Variants in PRDM15 observed in about 807,000 individuals in gnomAD.
PRDM15 encodes the protein PR domain zinc finger protein 15.
A neutral mutation model predicts 128.6 loss-of-function variants in PRDM15; 64 were observed. That is an observed-to-expected ratio of 0.50 (90% CI 0.41 to 0.61). The LOEUF (loss-of-function observed/expected upper bound fraction) is 0.61, where lower values mean the gene tolerates loss of function less well. Ranked by LOEUF, PRDM15 falls within the 20% of genes least tolerant of loss-of-function variation. The probability of loss-of-function intolerance (pLI) is 0.00; values close to 1 mark genes in which losing one functional copy is unlikely to be tolerated. For synonymous variants in PRDM15, 615 were observed against 621.8 expected, an observed-to-expected ratio of 0.99 and a Z score of 0.16; for missense variants, 1,242 against 1,569.1, an observed-to-expected ratio of 0.79 and a Z score of 3.52.
intron 13 of PRDM15, among the ~76,000 whole-genome samples, chr21:41,824,544 C>G (rs1254511175): frequency 2.7e-5 from 2 of 73,488 alleles, no homozygotes; most frequent in Admixed American, 2.6e-4. Context: ...ATTGTTTGCA[C>G]AAACAATCTC....
At chr21:41,861,491 G>T in intron 1 of PRDM15, 1 of 1,319,254 alleles carries the variant, frequency 7.6e-7, no homozygotes, top group South Asian at 1.4e-5. Flanking sequence ...AGCATAAAGT[G>T]AGATACACAC....
chr21:41,821,810 G>C lies in PRDM15; in HGVS notation c.1896+93C>G. ...GGGGAGGGAGGGCTGCTTCCGAGAT[G>C]CATGAAGGTGCCTGCTGTGTGGGGC... On this transcript the variant is annotated intron_variant, in intron 15 of 23. Coordinates refer to ENST00000398548, the MANE Select transcript of PRDM15 (RefSeq NM_001040424.3). The surrounding 1 kb of genome is among the most constrained non-coding windows in gnomAD (Gnocchi z 5.4). The C allele has an allele frequency of 6.7e-7, 1 of 1,485,704 alleles. No homozygotes were observed. The highest frequency in any genetic ancestry group is 9.3e-7 in the Non-Finnish European group (1 of 1,078,796). The allele number at this position is 1,485,704 out of a possible 1,614,324, so 92.0% of individuals were successfully genotyped here.
intron 6 of PRDM15, among the ~76,000 whole-genome samples, chr21:41,845,724 C>G (rs767392652): frequency 6.6e-6 from 1 of 152,128 alleles, no homozygotes; most frequent in African/African-American, 2.4e-5. Context: ...CCGAGTACCA[C>G]GTCTTACGTA....
rs766408138 is a variant in PRDM15, at chr21:41,801,214, T to C, written c.*26A>G. 3.3e-6 allele frequency: 5 copies of C among 1,506,552 alleles called. No homozygotes were observed. The highest frequency in any genetic ancestry group is 3.5e-6 in the Non-Finnish European group (4 of 1,132,978). 93.3% of individuals were successfully genotyped at this position (1,506,552 alleles called of 1,614,324 possible). A position where few individuals can be genotyped will look rare whatever the true frequency, so the allele number is the denominator to read the frequency against. ...AATCCCAAACATCCCTCTGCAGTTC[T>C]TGCCCCGAGTCTCCCGGAACGCAGC... On this transcript the variant is annotated 3_prime_UTR_variant, in exon 24 of 24. Coordinates refer to ENST00000398548, the MANE Select transcript of PRDM15 (RefSeq NM_001040424.3).
At chr21:41,835,075 C>T (rs1414358974) in intron 11 of PRDM15, among the ~76,000 whole-genome samples, 1 of 152,150 alleles carries the variant, frequency 6.6e-6, no homozygotes, top group Non-Finnish European at 1.5e-5. Flanking sequence ...CACACTCCTC[C>T]AGCCATTATC....
chr21:41,834,473 G>A (rs747207916), intron 11 of PRDM15: 16 of 1,538,616 alleles, frequency 1.0e-5, no homozygotes, highest in Middle Eastern at 3.3e-4. Flanking sequence ...CAGAGCAGGC[G>A]GACAAGGACG....
chr21:41,858,109 A>G (rs2063694337), intron 3 of PRDM15, among the ~76,000 whole-genome samples: 1 of 152,234 alleles, frequency 6.6e-6, no homozygotes, highest in Non-Finnish European at 1.5e-5. Flanking sequence ...ACCCCGAGAA[A>G]GACGCAAGGG....
In PRDM15 at chr21:41,811,262, C is replaced by T. The variant is rs866455648; in HGVS notation, c.2393-426G>A. ...GGACCAATGGCAAGGAGGACACAGA[C>T]GAGCCAAGCGTAAAAGACAACAGAA... On this transcript the variant is annotated intron_variant, in intron 19 of 23. Coordinates refer to ENST00000398548, the MANE Select transcript of PRDM15 (RefSeq NM_001040424.3). This position sits in a 1 kb window ranked among gnomAD's most constrained non-coding sequence, Gnocchi z 4.1. 6 of 178,166 alleles carry T rather than the reference C, an allele frequency of 3.4e-5. No homozygotes were observed. The Middle Eastern group carries it at 8.5e-3, about 252-fold the overall frequency. The allele number at this position is 178,166 out of a possible 1,614,324, so 11.0% of individuals were successfully genotyped here.
chr21:41,857,499 T>G (rs1028657449), intron 3 of PRDM15, among the ~76,000 whole-genome samples, 170 bp from the exon 4 acceptor site: 2 of 152,214 alleles, frequency 1.3e-5, no homozygotes, highest in African/African-American at 4.8e-5. Flanking sequence ...CTCACGCCTG[T>G]AATCCCAGCA....
rs1455207183 is a variant in PRDM15, at chr21:41,828,843, A to T, written c.1367-510T>A. Among the ~76,000 whole-genome samples the T allele has an allele frequency of 6.6e-6, 1 of 151,946 alleles. No homozygotes were observed. Among genetic ancestry groups the T allele is most frequent in the African/African-American group, 2.4e-5 (1 of 41,322 alleles). On this transcript the variant is annotated intron_variant, in intron 11 of 23. Transcript: ENST00000398548. The surrounding 1 kb of genome is among the most constrained non-coding windows in gnomAD (Gnocchi z 5.7). ...ACTCCTTCCCCGTGGGCGGGCATCA[A>T]TGTGCCCATATTCCCCCCTTCACCC...
At chr21:41,818,644 T>C (rs924012871) in intron 18 of PRDM15, among the ~76,000 whole-genome samples, 6 of 152,128 alleles carry the variant, frequency 3.9e-5, no homozygotes, top group Non-Finnish European at 5.9e-5. Context: ...CGGGTGCTCA[T>C]AGGGGTCACC....
intron 1 of PRDM15, among the ~76,000 whole-genome samples, chr21:41,866,552 A>T (rs1480361004): frequency 6.6e-6 from 1 of 152,222 alleles, no homozygotes; most frequent in African/African-American, 2.4e-5. Flanking sequence ...TTCCTGGTTC[A>T]CGTACTTGAA....
rs144512432 is a variant in PRDM15 at position 41,854,794 on chromosome 21, C to A, written c.310G>T (p.Val104Leu). The change falls in exon 5 of 24, where the codon GTG becomes TTG. Residue 104 changes from valine to leucine, a missense_variant. Coordinates refer to ENST00000398548, the MANE Select transcript of PRDM15 (RefSeq NM_001040424.3). This position sits in a 1 kb window ranked among gnomAD's most constrained non-coding sequence, Gnocchi z 4.6. Reference sequence around the variant, plus strand: ...TCCTCGTTGGAGGTGTCGAAGCACACGGGGTGCCCGTCCTTCTGGAACACC... The same window carrying A: ...TCCTCGTTGGAGGTGTCGAAGCACAAGGGGTGCCCGTCCTTCTGGAACACC... ...LKVFQKDGHP[V>L]CFDTSNEDDC... 2 of 1,604,376 alleles carry A rather than the reference C, an allele frequency of 1.2e-6. No homozygotes were observed.
At chr21:41,816,627 C>T (rs1031644942) in intron 18 of PRDM15, among the ~76,000 whole-genome samples, 2 of 152,190 alleles carry the variant, frequency 1.3e-5, no homozygotes, top group Non-Finnish European at 2.9e-5. Context: ...GTCAACGGTT[C>T]CCCTGTGATT....
intron 22 of PRDM15, 49 bp from the exon 23 acceptor site, chr21:41,802,970 A>C (rs760608260): frequency 2.0e-6 from 3 of 1,512,782 alleles, no homozygotes; most frequent in Non-Finnish European, 9.2e-7. Flanking sequence ...CGGTCACGTC[A>C]GGCAGCGGCC....
At chr21:41,868,694 C>CTTTTTTTTTTTT (rs55653735) in intron 1 of PRDM15, among the ~76,000 whole-genome samples, 5 of 125,200 alleles carry the variant, frequency 4.0e-5, no homozygotes, top group African/African-American at 6.0e-5. Flanking sequence ...TTTTCTTTTT[C>CTTTTTTTTTTTT]TTTTTTTTTT....
chr21:41,804,606 C>T lies in PRDM15; in HGVS notation c.2661G>A (p.Ala887=), dbSNP rs61744413. 5.2e-3 allele frequency: 8,200 copies of T among 1,562,286 alleles called. 348 individuals are homozygous for T. In the African/African-American group the frequency reaches 0.093, roughly 18 times the overall value. Residue 887 remains alanine, a synonymous_variant, in exon 22 of 24, where the codon GCG becomes GCA. Transcript: ENST00000398548. ...HMRRKHPEVL[A]VRIDDLDHLP... ...GGTGGTCCAGGTCATCGATCCTCAC[C>T]GCGAGCACCTATGAGGAGCACAGGG...
intron 21 of PRDM15, among the ~76,000 whole-genome samples, chr21:41,807,067 A>G (rs930703326): frequency 2.6e-5 from 4 of 151,930 alleles, no homozygotes; most frequent in Admixed American, 1.3e-4. Flanking sequence ...CACCTTTACC[A>G]CCATCTCCAC....
intron 4 of PRDM15, among the ~76,000 whole-genome samples, chr21:41,855,689 C>A (rs1261529112): frequency 2.0e-5 from 3 of 152,178 alleles, no homozygotes; most frequent in Non-Finnish European, 4.4e-5. Flanking sequence ...CAGGCGATGA[C>A]CTTCAGAATC....
Sources: allele counts gnomAD v4.1 joint callset (sites outside exome capture counted in the v4.1 genomes callset), GRCh38; gene constraint gnomAD v4.1.1; non-coding constraint Gnocchi (gnomAD v3.1); transcripts MANE v1.5; gene names NCBI Gene and HGNC (gene_info 2026-07-23, HGNC 2026-07-21).